KLHL1: variants seen among roughly 807,000 people sequenced by gnomAD.
KLHL1 encodes kelch-like protein 1.
A neutral mutation model predicts 77.7 loss-of-function variants in KLHL1; 47 were observed. The observed-to-expected ratio is 0.60, with a 90% CI of 0.48 to 0.77. The LOEUF is 0.77. Among genes scored for constraint, KLHL1 ranks in the 30% least tolerant of loss-of-function variants. The pLI is 0.00. For synonymous variants in KLHL1, 360 were observed against 325.2 expected, an observed-to-expected ratio of 1.11 and a Z score of -1.15; for missense variants, 925 against 910.8, an observed-to-expected ratio of 1.02 and a Z score of -0.20.
At chr13:69,910,249 A>T (rs1011805111) in intron 4 of KLHL1, among the ~76,000 whole-genome samples, 2 of 152,038 alleles carry the variant, frequency 1.3e-5, no homozygotes, top group African/African-American at 4.8e-5. Context: ...TATAATATTT[A>T]AAATGTATTA....
chr13:70,011,255 A>G (rs939871019), intron 1 of KLHL1, among the ~76,000 whole-genome samples: 5 of 152,220 alleles, frequency 3.3e-5, no homozygotes, highest in Non-Finnish European at 5.9e-5. Context: ...GAGATAAACT[A>G]CATTAAATGC....
intron 4 of KLHL1, among the ~76,000 whole-genome samples, chr13:69,910,014 T>C (rs902724623): frequency 6.6e-6 from 1 of 151,992 alleles, no homozygotes; most frequent in Non-Finnish European, 1.5e-5. Flanking sequence ...TAGAAAAAAA[T>C]AATTGTCATA....
chr13:69,840,908 A>G (rs1221955427), intron 5 of KLHL1, among the ~76,000 whole-genome samples: 1 of 151,696 alleles, frequency 6.6e-6, no homozygotes, highest in Non-Finnish European at 1.5e-5. Flanking sequence ...TCAAATATAT[A>G]GTTTCTTGTA....
chr13:70,105,303 G>A (rs1304369385), intron 1 of KLHL1, among the ~76,000 whole-genome samples: 1 of 151,732 alleles, frequency 6.6e-6, no homozygotes, highest in African/African-American at 2.4e-5. Flanking sequence ...TCTGTTATTA[G>A]TTTTAATTTA....
intron 7 of KLHL1, among the ~76,000 whole-genome samples, chr13:69,779,376 C>CCCTCT (rs1394786973): frequency 6.7e-6 from 1 of 150,288 alleles, no homozygotes; most frequent in Non-Finnish European, 1.5e-5. Flanking sequence ...TCCTCCCCTC[C>CCCTCT]CCTCTCCTCC....
At chr13:69,758,262 G>GTAT (rs1874858880) in intron 7 of KLHL1, among the ~76,000 whole-genome samples, 1 of 151,890 alleles carries the variant, frequency 6.6e-6, no homozygotes, top group African/African-American at 2.4e-5. Context: ...TTATATTAGT[G>GTAT]TATTATCAAT....
chr13:70,048,446 G>C (rs1886551015), intron 1 of KLHL1, among the ~76,000 whole-genome samples: 1 of 152,148 alleles, frequency 6.6e-6, no homozygotes, highest in African/African-American at 2.4e-5. Context: ...AATATCTATA[G>C]GTAGATACAA....
In KLHL1 at chr13:69,772,306, A is replaced by G. The variant is rs188639334; in HGVS notation, c.1639+24432T>C. On this transcript the variant is annotated intron_variant, in intron 7 of 10. Coordinates refer to ENST00000377844, the MANE Select transcript of KLHL1 (RefSeq NM_020866.3). ...TAGTATTTTCTCTTCTTCAAATAAA[A>G]CCAAAAAGAAATTGTCCTAGAATAA... Among the ~76,000 whole-genome samples, 67 of 152,152 alleles carry G rather than the reference A, an allele frequency of 4.4e-4. 1 individual carries two copies. The highest frequency in any genetic ancestry group is 1.6e-3 in the African/African-American group (65 of 41,560).
chr13:70,048,986 G>C (rs1886567600), intron 1 of KLHL1, among the ~76,000 whole-genome samples: 1 of 152,126 alleles, frequency 6.6e-6, no homozygotes, highest in Admixed American at 6.5e-5. Context: ...CTACATCATT[G>C]CTGTAAGTAT....
At chr13:69,874,286 T>C (rs1025314318) in intron 5 of KLHL1, among the ~76,000 whole-genome samples, 2 of 152,126 alleles carry the variant, frequency 1.3e-5, no homozygotes, top group African/African-American at 4.8e-5. Flanking sequence ...TATATAGTCC[T>C]CTTCCCTTAT....
At chr13:69,893,271 A>G (rs7336455) in intron 4 of KLHL1, among the ~76,000 whole-genome samples, 110,490 of 145,612 alleles carry the variant, frequency 0.76, 44,754 homozygotes, top group East Asian at 0.96. Flanking sequence ...TCTGTCGCCC[A>G]GGCCGGACTG....
chr13:69,853,182 CTTGAA>C (rs1879761844), intron 5 of KLHL1, among the ~76,000 whole-genome samples: 1 of 151,952 alleles, frequency 6.6e-6, no homozygotes, highest in African/African-American at 2.4e-5. Flanking sequence ...CAAATTTCAT[CTTGAA>C]TTGTAGTTAC....
At chr13:70,010,711 T>C (rs2137337482) in intron 1 of KLHL1, among the ~76,000 whole-genome samples, 1 of 151,760 alleles carries the variant, frequency 6.6e-6, no homozygotes, top group East Asian at 1.9e-4. Context: ...GCCAATATGG[T>C]GAAACCCCAT....
intron 5 of KLHL1, among the ~76,000 whole-genome samples, chr13:69,842,149 A>G (rs2138115922): frequency 6.6e-6 from 1 of 152,078 alleles, no homozygotes; most frequent in Non-Finnish European, 1.5e-5. Flanking sequence ...AGGATTTATG[A>G]CTAAGACATC....
Position 69,937,643 on chromosome 13 carries a change from T to C in KLHL1, c.1014+2397A>G, listed in dbSNP as rs75897685. On this transcript the variant is annotated intron_variant, in intron 4 of 10. Transcript: ENST00000377844. ...TAATGTTTCAGAATTAATTTTACAC[T>C]TCTACCTGATGCTGAGCTCGCAATC... Among the ~76,000 whole-genome samples the C allele has an allele frequency of 1.9e-3, 287 of 152,250 alleles. 6 individuals carry two copies. The East Asian group carries it at 0.049, about 26-fold the overall frequency.
At chr13:70,105,671 G>A (rs1252235774) in intron 1 of KLHL1, among the ~76,000 whole-genome samples, 1 of 151,002 alleles carries the variant, frequency 6.6e-6, no homozygotes, top group African/African-American at 2.4e-5. Context: ...CTCAACAAAA[G>A]GGTATAAAAA....
At chr13:69,924,044 C>T (rs1882731884) in intron 4 of KLHL1, among the ~76,000 whole-genome samples, 1 of 152,232 alleles carries the variant, frequency 6.6e-6, no homozygotes, top group Non-Finnish European at 1.5e-5. Flanking sequence ...CACGTGTGCA[C>T]ATGCCTGCAG....
chr13:69,799,233 G>C (rs1054675036), intron 6 of KLHL1, among the ~76,000 whole-genome samples: 1 of 152,160 alleles, frequency 6.6e-6, no homozygotes, highest in Non-Finnish European at 1.5e-5. Context: ...AAGGAAGAAA[G>C]TACTTGAACA....
Position 69,967,816 on chromosome 13 carries a change from C to T in KLHL1, c.681-6372G>A, listed in dbSNP as rs145661740. Among the ~76,000 whole-genome samples, 292 of 150,614 alleles carry T rather than the reference C, an allele frequency of 1.9e-3. 1 individual carries two copies. Among genetic ancestry groups the T allele is most frequent in the African/African-American group, 5.7e-3 (234 of 40,896 alleles). On this transcript the variant is annotated intron_variant, in intron 2 of 10. Coordinates refer to ENST00000377844, the MANE Select transcript of KLHL1 (RefSeq NM_020866.3). Reference sequence around the variant, plus strand: ...AGGAGAATTGCTTGAACCTGGGAAGCGGAGATTGCAATGAGCCAAGATCGC... The same window carrying T: ...AGGAGAATTGCTTGAACCTGGGAAGTGGAGATTGCAATGAGCCAAGATCGC...
Sources: allele counts gnomAD v4.1 joint callset (sites outside exome capture counted in the v4.1 genomes callset), GRCh38; gene constraint gnomAD v4.1.1; transcripts MANE v1.5; gene names NCBI Gene and HGNC (gene_info 2026-07-23, HGNC 2026-07-21).